Variants in CCSER1 observed in about 807,000 individuals in gnomAD.
CCSER1 encodes the protein coiled-coil serine rich protein 1.
A neutral mutation model predicts 82.0 loss-of-function variants in CCSER1; 41 were observed. The ratio of observed to expected loss-of-function variants is 0.50; its 90% CI spans 0.39 to 0.65. CCSER1 has a LOEUF of 0.65. Among genes scored for constraint, CCSER1 ranks in the 30% least tolerant of loss-of-function variants. The pLI is 0.00. For missense variants in CCSER1, 1,119 were observed against 1,064.2 expected, an observed-to-expected ratio of 1.05 and a Z score of -0.72; for synonymous variants, 414 against 383.9, an observed-to-expected ratio of 1.08 and a Z score of -0.92.
intron 8 of CCSER1, among the ~76,000 whole-genome samples, chr4:90,845,707 C>G (rs1466180774): frequency 2.0e-5 from 3 of 150,136 alleles, no homozygotes; most frequent in South Asian, 4.2e-4. Flanking sequence ...TTAGTTAGTG[C>G]TTTTTTTTAA....
intron 7 of CCSER1, among the ~76,000 whole-genome samples, chr4:90,758,799 T>A (rs1203755524): frequency 5.3e-5 from 8 of 152,250 alleles, no homozygotes; most frequent in African/African-American, 1.4e-4. Context: ...ATATAGTATG[T>A]TGAATAGAAA....
At chr4:91,418,303 T>TAAAAAAAAAAAAAAAA (rs142070235) in intron 10 of CCSER1, among the ~76,000 whole-genome samples, 1 of 113,638 alleles carries the variant, frequency 8.8e-6, no homozygotes, top group Non-Finnish European at 1.7e-5. Flanking sequence ...ATTTTTTAAT[T>TAAAAAAAAAAAAAAAA]AAAAAAAAAA....
chr4:90,267,231 G>A (rs1363693504), intron 1 of CCSER1, among the ~76,000 whole-genome samples: 3 of 151,958 alleles, frequency 2.0e-5, no homozygotes, highest in Admixed American at 2.0e-4. Context: ...GCCCTTGGTG[G>A]TAGTGGACAC....
At chr4:90,691,277 C>T (rs980676395) in intron 6 of CCSER1, among the ~76,000 whole-genome samples, 1 of 150,468 alleles carries the variant, frequency 6.6e-6, no homozygotes, top group Non-Finnish European at 1.5e-5. Context: ...ATATACCTGT[C>T]TCTGATAGAT....
At chr4:90,173,322 G>T (rs773623085) in intron 1 of CCSER1, among the ~76,000 whole-genome samples, 2 of 145,332 alleles carry the variant, frequency 1.4e-5, no homozygotes, top group Non-Finnish European at 3.0e-5. Flanking sequence ...GTATTGATCT[G>T]CAATTGTGTT....
At chr4:91,047,100 A>G (rs998818419) in intron 9 of CCSER1, among the ~76,000 whole-genome samples, 1 of 152,158 alleles carries the variant, frequency 6.6e-6, no homozygotes, top group African/African-American at 2.4e-5. Flanking sequence ...CTCGCAACAA[A>G]GTGCAAGGAA....
At chr4:90,479,538 C>A (rs1040381081) in intron 5 of CCSER1, among the ~76,000 whole-genome samples, 7 of 152,058 alleles carry the variant, frequency 4.6e-5, no homozygotes, top group African/African-American at 1.7e-4. Context: ...CCCCCCACCC[C>A]ACAACAGGCC....
intron 5 of CCSER1, among the ~76,000 whole-genome samples, chr4:90,592,972 G>T (rs1438860016): frequency 6.6e-6 from 1 of 152,070 alleles, no homozygotes; most frequent in Non-Finnish European, 1.5e-5. Flanking sequence ...AGAATCAAGT[G>T]AGAACCATTT....
chr4:90,987,650 T>G (rs1736682492), intron 9 of CCSER1, among the ~76,000 whole-genome samples: 1 of 151,736 alleles, frequency 6.6e-6, no homozygotes, highest in Non-Finnish European at 1.5e-5. Flanking sequence ...CAACTTGTGT[T>G]TTTTCTTGTA....
chr4:90,448,316 A>G lies in CCSER1; in HGVS notation c.1604-19918A>G, dbSNP rs75296569. Among the ~76,000 whole-genome samples the G allele has an allele frequency of 5.7e-4, 86 of 151,532 alleles. No homozygotes were observed. The East Asian group carries it at 9.5e-3, about 17-fold the overall frequency. On this transcript the variant is annotated intron_variant, in intron 4 of 10. Transcript: ENST00000509176. The stretch of plus-strand genomic sequence containing the variant: ...TTGAGTGGAGAGCAGGTTCTTATTT[A>G]TATGTACTTGCTATAGCAAAACTGC...
At chr4:91,499,981 T>TA (rs1053960269) in intron 10 of CCSER1, among the ~76,000 whole-genome samples, 1 of 152,092 alleles carries the variant, frequency 6.6e-6, no homozygotes, top group African/African-American at 2.4e-5. Flanking sequence ...ATTAATTTGG[T>TA]AAAAATCAAT....
chr4:90,727,370 T>C (rs1743852399), intron 7 of CCSER1: 1 of 449,758 alleles, frequency 2.2e-6, no homozygotes, highest in Non-Finnish European at 4.5e-6. Context: ...GAAACATTGC[T>C]CTGATAAAAG....
intron 5 of CCSER1, among the ~76,000 whole-genome samples, chr4:90,625,292 A>G (rs1305867536): frequency 6.6e-6 from 1 of 152,172 alleles, no homozygotes; most frequent in Non-Finnish European, 1.5e-5. Context: ...GAATTTACCC[A>G]GAGACACTTG....
At chr4:91,286,043 G>GTT (rs201671185) in intron 10 of CCSER1, among the ~76,000 whole-genome samples, 1 of 145,912 alleles carries the variant, frequency 6.9e-6, no homozygotes, top group African/African-American at 2.5e-5. Flanking sequence ...TTAAAGTTTA[G>GTT]TTTTTTTTTT....
At position 91,266,308 on chromosome 4, in the gene CCSER1, A is replaced by G. The variant is rs1741574633; in HGVS notation, c.2217+180314A>G. On this transcript the variant is annotated intron_variant, in intron 10 of 10. Coordinates refer to ENST00000509176, the MANE Select transcript of CCSER1 (RefSeq NM_001145065.2). ...ACTCTGTTGGCCCAGGCTGGTGTGC[A>G]GTGGCATGATCTCGGCTCACTGCAA... is the stretch of plus-strand genomic sequence containing the variant. Among the ~76,000 whole-genome samples, 3 of 151,708 alleles carry G rather than the reference A, an allele frequency of 2.0e-5. No homozygotes were observed. The South Asian group carries it at 6.2e-4, about 32-fold the overall frequency.
intron 5 of CCSER1, among the ~76,000 whole-genome samples, chr4:90,537,278 T>C (rs921754544): frequency 6.6e-6 from 1 of 152,140 alleles, no homozygotes; most frequent in African/African-American, 2.4e-5. Flanking sequence ...TTGCCTGTCT[T>C]CCATTTCCAT....
At chr4:90,311,639 A>G (rs950524985) in intron 2 of CCSER1, among the ~76,000 whole-genome samples, 9 of 152,276 alleles carry the variant, frequency 5.9e-5, no homozygotes, top group African/African-American at 2.2e-4. Flanking sequence ...TTTTGTATGA[A>G]ATATTTAAGC....
At chr4:91,412,472 A>T (rs1356603301) in intron 10 of CCSER1, among the ~76,000 whole-genome samples, 1 of 151,754 alleles carries the variant, frequency 6.6e-6, no homozygotes, top group African/African-American at 2.4e-5. Flanking sequence ...AATTGGTAAC[A>T]AGCTCTCCAT....
chr4:90,345,851 TAA>T (rs1742232908), intron 3 of CCSER1, among the ~76,000 whole-genome samples: 1 of 152,144 alleles, frequency 6.6e-6, no homozygotes, highest in South Asian at 2.1e-4. Context: ...TCTCACTGTT[TAA>T]ATCATTTCAG....
Sources: gnomAD v4.1 joint callset for allele counts (sites outside exome capture counted in the v4.1 genomes callset) on GRCh38, gnomAD v4.1.1 for gene constraint, MANE v1.5 for transcripts, NCBI Gene and HGNC (gene_info 2026-07-23, HGNC 2026-07-21) for gene names.